The following LDB2 variants were observed in gnomAD, a reference collection of about 807,000 sequenced individuals.
LDB2 encodes LIM domain binding 2.
LDB2 carries 12 observed loss-of-function variants against 44.3 expected under a neutral mutation model. The observed-to-expected ratio is 0.27, with a 90% CI of 0.17 to 0.44. The LOEUF (loss-of-function observed/expected upper bound fraction) is 0.44, where lower values mean the gene tolerates loss of function less well. Among genes scored for constraint, LDB2 ranks in the 20% least tolerant of loss-of-function variants. The pLI is 1.00. For missense variants in LDB2, 344 were observed against 473.5 expected (o/e 0.73, Z 2.54); for synonymous variants, 164 against 174.8 (o/e 0.94, Z 0.49).
At chr4:16,826,016 A>C (rs1782997454) in intron 1 of LDB2, among the ~76,000 whole-genome samples, 1 of 151,646 alleles carries the variant, frequency 6.6e-6, no homozygotes. Context: ...TTTATGTATA[A>C]ATTAATATCA....
intron 1 of LDB2, among the ~76,000 whole-genome samples, chr4:16,780,127 A>C (rs1407977276): frequency 1.3e-5 from 2 of 152,224 alleles, no homozygotes; most frequent in Non-Finnish European, 2.9e-5. Context: ...CAATAAACAC[A>C]CAAGTGAATA....
At chr4:16,690,031 G>A (rs1750248624) in intron 2 of LDB2, among the ~76,000 whole-genome samples, 1 of 152,194 alleles carries the variant, frequency 6.6e-6, no homozygotes, top group Non-Finnish European at 1.5e-5. Flanking sequence ...TGATACCTAT[G>A]TGTGCACTTA....
intron 2 of LDB2, among the ~76,000 whole-genome samples, chr4:16,709,011 T>C (rs1755268697): frequency 6.6e-6 from 1 of 152,086 alleles, no homozygotes; most frequent in Non-Finnish European, 1.5e-5. Flanking sequence ...AAGCTGGGGT[T>C]TGAAATCAAT....
intron 2 of LDB2, among the ~76,000 whole-genome samples, chr4:16,745,317 C>T (rs776488503): frequency 1.3e-5 from 2 of 152,146 alleles, no homozygotes; most frequent in Non-Finnish European, 2.9e-5. Flanking sequence ...TGGCAGAGAC[C>T]CAGAGCCCAG....
At chr4:16,568,332 G>A (rs1254509962) in intron 5 of LDB2, among the ~76,000 whole-genome samples, 1 of 152,110 alleles carries the variant, frequency 6.6e-6, no homozygotes, top group East Asian at 1.9e-4. Context: ...TAGCTTAAAC[G>A]GGAGTACAAA....
intron 5 of LDB2, among the ~76,000 whole-genome samples, chr4:16,554,227 C>A (rs1738695892): frequency 6.6e-6 from 1 of 151,798 alleles, no homozygotes; most frequent in South Asian, 2.1e-4. Context: ...ATTTTGTATT[C>A]TTAGTAGAGA....
intron 1 of LDB2, among the ~76,000 whole-genome samples, chr4:16,859,474 C>T (rs1421333268): frequency 6.6e-6 from 1 of 152,182 alleles, no homozygotes; most frequent in Non-Finnish European, 1.5e-5. Context: ...TTTCTGTTTT[C>T]CCCTCCTAAT....
intron 1 of LDB2, among the ~76,000 whole-genome samples, chr4:16,767,798 A>G (rs964846104): frequency 6.6e-6 from 1 of 152,224 alleles, no homozygotes; most frequent in Non-Finnish European, 1.5e-5. Context: ...CATTTGTGCT[A>G]TTACAGTCCT....
intron 1 of LDB2, among the ~76,000 whole-genome samples, chr4:16,857,698 C>G (rs374456348): frequency 6.6e-6 from 1 of 152,196 alleles, no homozygotes. Flanking sequence ...TGCTCTTCCT[C>G]GAAATGTTGG....
At chr4:16,658,122 T>C (rs1740444525) in intron 2 of LDB2, among the ~76,000 whole-genome samples, 1 of 152,210 alleles carries the variant, frequency 6.6e-6, no homozygotes, top group African/African-American at 2.4e-5. Context: ...CAACCTGGAT[T>C]GGAAACAGAA....
At chr4:16,863,656 C>CTTTTTTTTTTTTTTTTTTTTTTTTTTT (rs143950913) in intron 1 of LDB2, among the ~76,000 whole-genome samples, 1 of 91,956 alleles carries the variant, frequency 1.1e-5, no homozygotes, top group Non-Finnish European at 1.9e-5. Context: ...CTCACATTCT[C>CTTTTTTTTTTTTTTTTTTTTTTTTTTT]TTTTTTTTTT....
At chr4:16,858,039 T>C (rs1201107857) in intron 1 of LDB2, among the ~76,000 whole-genome samples, 2 of 152,198 alleles carry the variant, frequency 1.3e-5, no homozygotes, top group African/African-American at 4.8e-5. Context: ...ACAAGATTGA[T>C]ATTAATAATA....
At chr4:16,677,995 A>T (rs1746763373) in intron 2 of LDB2, among the ~76,000 whole-genome samples, 1 of 152,202 alleles carries the variant, frequency 6.6e-6, no homozygotes, top group Admixed American at 6.5e-5. Context: ...TCTCTGCAGC[A>T]TCTGAAACTT....
At chr4:16,553,332 A>AT (rs1291898572) in intron 5 of LDB2, among the ~76,000 whole-genome samples, 2 of 151,290 alleles carry the variant, frequency 1.3e-5, no homozygotes, top group Non-Finnish European at 2.9e-5. Context: ...TTTTTTTTGA[A>AT]TTTTTTGTAG....
intron 1 of LDB2, among the ~76,000 whole-genome samples, chr4:16,867,927 A>G (rs935990449): frequency 6.6e-6 from 1 of 152,188 alleles, no homozygotes; most frequent in Non-Finnish European, 1.5e-5. Flanking sequence ...AAAACAATCC[A>G]CTAGCATCTG....
At chr4:16,570,220 T>G (rs1560504910) in intron 5 of LDB2, among the ~76,000 whole-genome samples, 1 of 151,690 alleles carries the variant, frequency 6.6e-6, no homozygotes, top group East Asian at 1.9e-4. Flanking sequence ...TCCCAGCACT[T>G]TGGGAGGCTG....
chr4:16,653,504 G>A (rs1738889064), intron 2 of LDB2, among the ~76,000 whole-genome samples: 2 of 152,120 alleles, frequency 1.3e-5, no homozygotes, highest in South Asian at 4.1e-4. Flanking sequence ...CAAAGAAAGG[G>A]GAGTCCTCAG....
intron 2 of LDB2, among the ~76,000 whole-genome samples, chr4:16,683,950 C>G (rs1748580267): frequency 6.6e-6 from 1 of 152,142 alleles, no homozygotes; most frequent in Non-Finnish European, 1.5e-5. Context: ...AGCTGGAAAG[C>G]AACACACATC....
At chr4:16,769,603 ATT>A (rs58284488) in intron 1 of LDB2, among the ~76,000 whole-genome samples, 228 of 137,016 alleles carry the variant, frequency 1.7e-3, no homozygotes, top group African/African-American at 5.5e-3. Flanking sequence ...GCCCTATGGG[ATT>A]TTTTTTTTTT....
Sources: allele counts gnomAD v4.1 joint callset (sites outside exome capture counted in the v4.1 genomes callset), GRCh38; gene constraint gnomAD v4.1.1; transcripts MANE v1.5; gene names NCBI Gene and HGNC (gene_info 2026-07-23, HGNC 2026-07-21).